Variants in LMX1A observed in about 807,000 individuals in gnomAD.
The protein encoded by LMX1A is LIM homeobox transcription factor 1-alpha.
In LMX1A, 15 loss-of-function variants were observed where a neutral mutation model predicts 49.1. That is an observed-to-expected ratio of 0.31 (90% CI 0.20 to 0.47). The LOEUF (loss-of-function observed/expected upper bound fraction) is 0.47, where lower values mean the gene tolerates loss of function less well. LMX1A is among the 20% of genes least tolerant of loss of function. The pLI, the probability that LMX1A is intolerant of heterozygous loss-of-function variation, is 1.00. For synonymous variants in LMX1A, 167 were observed against 185.7 expected, an observed-to-expected ratio of 0.90 and a Z score of 0.82; for missense variants, 372 against 475.8, an observed-to-expected ratio of 0.78 and a Z score of 2.03.
At position 165,249,593 on chromosome 1, in the gene LMX1A, T is replaced by C. The variant is rs144319410; in HGVS notation, c.311A>G (p.Asn104Ser). The C allele has an allele frequency of 5.0e-5, 81 of 1,614,056 alleles. No individual in the cohort carries two copies. The highest frequency in any genetic ancestry group is 6.0e-5 in the Non-Finnish European group (71 of 1,180,048). ...CGGCFEAIAPNEFVMRAQKSV... is the reference protein window; with the variant it reads ...CGGCFEAIAPSEFVMRAQKSV... ...CTTCTGGGCCCGCATAACAAACTCATTGGGAGCGATGGCCTCGAAGCAGCC... is the reference window on the plus strand; with the variant it reads ...CTTCTGGGCCCGCATAACAAACTCACTGGGAGCGATGGCCTCGAAGCAGCC... Residue 104 changes from asparagine (N) to serine (S), a missense_variant, in exon 4 of 9, where the codon AAT becomes AGT. Coordinates refer to ENST00000342310, the MANE Select transcript of LMX1A (RefSeq NM_177398.4).
At chr1:165,332,091 T>G (rs1571227473) in intron 3 of LMX1A, among the ~76,000 whole-genome samples, 1 of 152,116 alleles carries the variant, frequency 6.6e-6, no homozygotes, top group Non-Finnish European at 1.5e-5. Context: ...GGAGGTATAT[T>G]GTAATCCTGA....
At chr1:165,256,794 G>T (rs1387761581) in intron 3 of LMX1A, among the ~76,000 whole-genome samples, 2 of 151,966 alleles carry the variant, frequency 1.3e-5, no homozygotes, top group African/African-American at 2.4e-5. Context: ...CACATATGAA[G>T]GTTTGATGCC....
At chr1:165,322,580 G>A (rs972791004) in intron 3 of LMX1A, among the ~76,000 whole-genome samples, 2 of 152,088 alleles carry the variant, frequency 1.3e-5, no homozygotes, top group South Asian at 2.1e-4. Flanking sequence ...AGACATAAAA[G>A]GCCACATACT....
intron 3 of LMX1A, among the ~76,000 whole-genome samples, chr1:165,335,026 C>G (rs1396392347): frequency 6.6e-6 from 1 of 152,150 alleles, no homozygotes; most frequent in Non-Finnish European, 1.5e-5. Flanking sequence ...AAACACCACC[C>G]CTTTGTTAAG....
intron 3 of LMX1A, among the ~76,000 whole-genome samples, chr1:165,311,590 C>G (rs1655077604): frequency 6.6e-6 from 1 of 152,232 alleles, no homozygotes. Flanking sequence ...AAGGGCCACA[C>G]ACTCCAAACT....
At chr1:165,244,573 C>G (rs1652774116) in intron 4 of LMX1A, among the ~76,000 whole-genome samples, 1 of 152,154 alleles carries the variant, frequency 6.6e-6, no homozygotes, top group Non-Finnish European at 1.5e-5. Context: ...AACCCCTACA[C>G]AGCTGGTGTC....
chr1:165,329,186 T>G (rs923672505), intron 3 of LMX1A, among the ~76,000 whole-genome samples: 3 of 152,190 alleles, frequency 2.0e-5, no homozygotes, highest in Non-Finnish European at 4.4e-5. Flanking sequence ...TAACAGGAAC[T>G]GTCAAACACT....
chr1:165,236,129 C>T (rs1652429419), intron 4 of LMX1A, among the ~76,000 whole-genome samples: 1 of 152,128 alleles, frequency 6.6e-6, no homozygotes, highest in African/African-American at 2.4e-5. Context: ...CTGGTGACTG[C>T]CTGGCAGGGG....
chr1:165,317,578 C>G (rs1260826752), intron 3 of LMX1A, among the ~76,000 whole-genome samples: 9 of 152,204 alleles, frequency 5.9e-5, no homozygotes, highest in Non-Finnish European at 1.3e-4. Context: ...ACCACTGGGA[C>G]ACAGGTCCAG....
chr1:165,327,808 A>G lies in LMX1A; in HGVS notation c.263+25268T>C, dbSNP rs558615535. On this transcript the variant is annotated intron_variant, in intron 3 of 8. Transcript: ENST00000342310. ...GTAGCTGCTGCCAGCAGGAAGCTTC[A>G]GAAGGAGTCAAGTGTAATTAAAAGC... Among the ~76,000 whole-genome samples, 4 of 152,358 alleles carry G rather than the reference A, an allele frequency of 2.6e-5. No individual in the cohort carries two copies. In the East Asian group the frequency reaches 5.8e-4, roughly 22 times the overall value.
chr1:165,343,532 T>C (rs955408504), intron 3 of LMX1A, among the ~76,000 whole-genome samples: 23 of 152,178 alleles, frequency 1.5e-4, no homozygotes, highest in African/African-American at 5.5e-4. Flanking sequence ...CATTCTATTG[T>C]ATAGATGAGA....
intron 3 of LMX1A, among the ~76,000 whole-genome samples, chr1:165,268,050 G>A (rs1324925580): frequency 2.6e-5 from 4 of 152,150 alleles, no homozygotes; most frequent in Non-Finnish European, 5.9e-5. Flanking sequence ...ATGTAGGAGG[G>A]AAGTTGGGGA....
chr1:165,296,018 A>T (rs1654604271), intron 3 of LMX1A, among the ~76,000 whole-genome samples: 1 of 152,190 alleles, frequency 6.6e-6, no homozygotes, highest in African/African-American at 2.4e-5. Context: ...CCTTTAGAGA[A>T]CTTATTAAAG....
chr1:165,340,485 A>G (rs1448003390), intron 3 of LMX1A, among the ~76,000 whole-genome samples: 1 of 152,108 alleles, frequency 6.6e-6, no homozygotes, highest in African/African-American at 2.4e-5. Context: ...ACTCACTCTG[A>G]TGTTCTCCCC....
intron 4 of LMX1A, among the ~76,000 whole-genome samples, chr1:165,227,229 G>C (rs1476150828): frequency 6.6e-6 from 1 of 152,222 alleles, no homozygotes; most frequent in Non-Finnish European, 1.5e-5. Context: ...GTAGAGCCTT[G>C]TGTTTCAGTT....
At chr1:165,342,759 G>T (rs1656115854) in intron 3 of LMX1A, among the ~76,000 whole-genome samples, 1 of 152,078 alleles carries the variant, frequency 6.6e-6, no homozygotes, top group Non-Finnish European at 1.5e-5. Flanking sequence ...CAAGTATCTA[G>T]CAGGTGGGGA....
chr1:165,215,071 AC>A (rs139734275), intron 4 of LMX1A, among the ~76,000 whole-genome samples: 2,818 of 152,206 alleles, frequency 0.019, 71 homozygotes, highest in African/African-American at 0.059. Context: ...TAATCCTAGC[AC>A]TTTGGGAGGC....
At chr1:165,278,003 G>A (rs569515460) in intron 3 of LMX1A, among the ~76,000 whole-genome samples, 214 of 152,276 alleles carry the variant, frequency 1.4e-3, no homozygotes, top group African/African-American at 5.1e-3. Context: ...GCTATTCTAA[G>A]AGCTTAACAC....
intron 4 of LMX1A, among the ~76,000 whole-genome samples, chr1:165,221,248 T>TAAAG (rs1651831821): frequency 6.6e-6 from 1 of 151,998 alleles, no homozygotes; most frequent in African/African-American, 2.4e-5. Flanking sequence ...TTATTGTTAT[T>TAAAG]AAAGAGTGAA....
Sources: allele counts gnomAD v4.1 joint callset (sites outside exome capture counted in the v4.1 genomes callset), GRCh38; gene constraint gnomAD v4.1.1; transcripts MANE v1.5; gene names NCBI Gene and HGNC (gene_info 2026-07-23, HGNC 2026-07-21).